ANKRD18A: variants seen among roughly 807,000 people sequenced by gnomAD.
ANKRD18A encodes the protein ankyrin repeat domain 18A, also known as ankyrin repeat domain-containing protein 18A.
In ANKRD18A, 72 loss-of-function variants were observed where a neutral mutation model predicts 110.6. The observed-to-expected ratio is 0.65, with a 90% confidence interval of 0.54 to 0.79. The LOEUF (loss-of-function observed/expected upper bound fraction) is 0.79, where lower values mean the gene tolerates loss of function less well. Among genes scored for constraint, ANKRD18A ranks in the 30% least tolerant of loss-of-function variants. The pLI, the probability that ANKRD18A is intolerant of heterozygous loss-of-function variation, is 0.00. For missense variants in ANKRD18A, 934 were observed against 1,163.3 expected (o/e 0.80, Z 2.87); for synonymous variants, 305 against 410.3 (o/e 0.74, Z 3.10).
At chr9:38,598,005 T>C (rs1235350823) in intron 8 of ANKRD18A, among the ~76,000 whole-genome samples, 1 of 152,222 alleles carries the variant, frequency 6.6e-6, no homozygotes, top group Non-Finnish European at 1.5e-5. Context: ...GATGGAATTA[T>C]AAGTTTAAAC....
chr9:38,605,337 A>G (rs1825304728), intron 6 of ANKRD18A, among the ~76,000 whole-genome samples: 1 of 152,338 alleles, frequency 6.6e-6, no homozygotes, highest in African/African-American at 2.4e-5. Context: ...AAAAACACAA[A>G]AATTAAATAG....
intron 9 of ANKRD18A, among the ~76,000 whole-genome samples, chr9:38,594,542 A>AT (rs1430136047): frequency 2.0e-5 from 3 of 152,138 alleles, no homozygotes; most frequent in African/African-American, 4.8e-5. Context: ...TACATCAAAT[A>AT]TTTTTTTGCT....
At position 38,572,041 on chromosome 9, in the gene ANKRD18A, G is replaced by A; in HGVS notation, c.*4C>T. 1.3e-6 allele frequency: 2 copies of A among 1,591,758 alleles called. No homozygotes were observed. Among genetic ancestry groups the A allele is most frequent in the South Asian group, 2.3e-5 (2 of 86,172 alleles). On this transcript the variant is annotated 3_prime_UTR_variant, in exon 16 of 16. Transcript: ENST00000399703. ...TACAAAAGAAAGTAGACGGGAGCAA[G>A]TGCTCAACATAGCAAAACCTGGAAA...
intron 10 of ANKRD18A, among the ~76,000 whole-genome samples, chr9:38,593,255 CAAG>C (rs1381167345): frequency 6.6e-6 from 1 of 152,170 alleles, no homozygotes. Flanking sequence ...CCTAACTTTT[CAAG>C]TAGTTTGTAA....
intron 5 of ANKRD18A, among the ~76,000 whole-genome samples, chr9:38,609,241 AG>A (rs1388942554): frequency 6.6e-6 from 1 of 152,136 alleles, no homozygotes; most frequent in Non-Finnish European, 1.5e-5. Context: ...GCACTTTAGG[AG>A]GCCGAGGAGG....
At position 38,577,131 on chromosome 9, in the gene ANKRD18A, G is replaced by T. The variant is rs967726670; in HGVS notation, c.2663C>A (p.Thr888Lys). 5 of 1,549,450 alleles carry T rather than the reference G, an allele frequency of 3.2e-6. No individual in the cohort carries two copies. In the African/African-American group the frequency reaches 5.5e-5, roughly 17 times the overall value. The change falls in exon 14 of 16, where the codon ACA becomes AAA. Residue 888 changes from threonine (T) to lysine (K), a missense_variant. By Grantham distance (78) the Thr-to-Lys change is moderately conservative. Transcript: ENST00000399703. ...TTCCTTAAATTCTTCTAATTCAGTTGTAACCTCTTCATAAGCAGTTTTCAT... is the reference window on the plus strand; with the variant it reads ...TTCCTTAAATTCTTCTAATTCAGTTTTAACCTCTTCATAAGCAGTTTTCAT... ...SKMKTAYEEV[T>K]TELEEFKEAF...
At chr9:38,579,836 A>G (rs1013352785) in intron 12 of ANKRD18A, among the ~76,000 whole-genome samples, 18 of 152,322 alleles carry the variant, frequency 1.2e-4, no homozygotes, top group African/African-American at 4.3e-4. Flanking sequence ...GTATTCAGGC[A>G]ACAGAAAAGA....
intron 6 of ANKRD18A, among the ~76,000 whole-genome samples, chr9:38,605,735 T>G (rs1825323172): frequency 6.6e-6 from 1 of 152,104 alleles, no homozygotes; most frequent in African/African-American, 2.4e-5. Context: ...TGCCTCAGCC[T>G]CCAGAGTAGT....
chr9:38,614,185 T>C (rs372546508), intron 3 of ANKRD18A, among the ~76,000 whole-genome samples: 1 of 151,508 alleles, frequency 6.6e-6, no homozygotes, highest in South Asian at 2.1e-4. Flanking sequence ...ATCTATTCTG[T>C]GCTTCTTAAT....
At chr9:38,574,724 A>C (rs1823804187) in intron 15 of ANKRD18A, among the ~76,000 whole-genome samples, 2 of 152,178 alleles carry the variant, frequency 1.3e-5, no homozygotes, top group African/African-American at 4.8e-5. Flanking sequence ...AAATATCTAT[A>C]TGTTGTTAAG....
Position 38,571,380 on chromosome 9 carries a change from G to A in ANKRD18A, c.*665C>T. 1.4e-6 allele frequency: 1 copy of A among 727,540 alleles called. No homozygotes were observed. Among genetic ancestry groups the A allele is most frequent in the Non-Finnish European group, 1.9e-6 (1 of 513,802 alleles). The allele number at this position is 727,540 out of a possible 1,614,324, so 45.1% of individuals were successfully genotyped here. ...AGCTTTCCCTTCTCCTTTATTTATT[G>A]GTTTTATTTCTCCATGTAGAACAAA... On this transcript the variant is annotated 3_prime_UTR_variant, in exon 16 of 16. Coordinates refer to ENST00000399703, the MANE Select transcript of ANKRD18A (RefSeq NM_147195.4).
chr9:38,599,245 G>A (rs148064010), intron 8 of ANKRD18A, among the ~76,000 whole-genome samples: 138 of 152,232 alleles, frequency 9.1e-4, no homozygotes, highest in Admixed American at 1.4e-3. Flanking sequence ...TGAGTGAGAT[G>A]GGCTCCTTCT....
At chr9:38,594,102 T>C (rs1229050176) in intron 9 of ANKRD18A, among the ~76,000 whole-genome samples, 193 bp from the exon 10 acceptor site, 5 of 152,204 alleles carry the variant, frequency 3.3e-5, no homozygotes, top group Admixed American at 2.6e-4. Flanking sequence ...TCCTGCCAAA[T>C]TGGTATTCTC....
chr9:38,578,068 C>T lies in ANKRD18A; in HGVS notation c.2328G>A (p.Gln776=), dbSNP rs926863246. The T allele has an allele frequency of 3.9e-6, 6 of 1,550,526 alleles. No homozygotes were observed. The highest frequency in any genetic ancestry group is 2.0e-5 in the Admixed American group (1 of 50,920). ...GTACATTTCTCATAGATAATAACTC[C>T]TGATGAAGAACTTCATTGTCTTTGG... The part of the protein sequence containing the change: ...NLAKDNEVLH[Q]ELLSMRNVQE... Residue 776 remains glutamine, a synonymous_variant, in exon 13 of 16, where the codon CAG becomes CAA. Transcript: ENST00000399703.
chr9:38,607,132 C>A (rs1039089240), intron 6 of ANKRD18A, among the ~76,000 whole-genome samples: 1 of 152,190 alleles, frequency 6.6e-6, no homozygotes, highest in African/African-American at 2.4e-5. Flanking sequence ...TCTCGGCTCA[C>A]TGCAACCTCC....
intron 15 of ANKRD18A, chr9:38,572,913 AT>A: frequency 5.9e-6 from 2 of 339,558 alleles, no homozygotes; most frequent in Non-Finnish European, 1.1e-5. Context: ...ATGCATAAGT[AT>A]ACTCTTCACT....
Position 38,620,354 on chromosome 9 carries a change from C to T in ANKRD18A, c.-69G>A, listed in dbSNP as rs1478436723. ...GCGGCTCCTCGTGGCCTTTCCACCCCCACTCCGCCCCAAATCCGCGATCTC... is the reference window on the plus strand; with the variant it reads ...GCGGCTCCTCGTGGCCTTTCCACCCTCACTCCGCCCCAAATCCGCGATCTC... On this transcript the variant is annotated 5_prime_UTR_variant, in exon 1 of 16. Coordinates refer to ENST00000399703, the MANE Select transcript of ANKRD18A (RefSeq NM_147195.4). 6 of 1,484,704 alleles carry T rather than the reference C, an allele frequency of 4.0e-6. No individual in the cohort carries two copies. The highest frequency in any genetic ancestry group is 9.0e-7 in the Non-Finnish European group (1 of 1,112,124). 92.0% of individuals were successfully genotyped at this position (1,484,704 alleles called of 1,614,324 possible). A position where few individuals can be genotyped will look rare whatever the true frequency, so the allele number is the denominator to read the frequency against.
At chr9:38,591,109 C>T (rs1824628166) in intron 10 of ANKRD18A, among the ~76,000 whole-genome samples, 1 of 152,042 alleles carries the variant, frequency 6.6e-6, no homozygotes, top group East Asian at 1.9e-4. Context: ...TACAGGCATG[C>T]ACCACCATGC....
rs1343244716 is a variant in ANKRD18A, at chr9:38,577,264, T to C, written c.2530A>G (p.Lys844Glu). ...AATTGTTTTTCATATTCTGCTTGTT[T>C]CTAAAACAAATGAAAAGAATACACT... ...IEKLEEIHLQ[K>E]QAEYEKQLEQ... The change falls in exon 14 of 16, where the codon AAA becomes GAA. Residue 844 changes from lysine (K) to glutamate (E), a missense_variant and splice_region_variant. Physicochemically the swap from Lys to Glu is moderately conservative, Grantham distance 56. Around this residue, in one of 4 missense-constraint regions of ANKRD18A, gnomAD observed 223 missense variants for 226.7 expected, o/e 0.98. Coordinates refer to ENST00000399703, the MANE Select transcript of ANKRD18A (RefSeq NM_147195.4). 1.6e-5 allele frequency: 25 copies of C among 1,521,826 alleles called. No individual in the cohort carries two copies. The highest frequency in any genetic ancestry group is 2.1e-5 in the Non-Finnish European group (24 of 1,136,524). The allele number at this position is 1,521,826 out of a possible 1,614,324, so 94.3% of individuals were successfully genotyped here. A position where few individuals can be genotyped will look rare whatever the true frequency, so the allele number is the denominator to read the frequency against.
Sources: allele counts gnomAD v4.1 joint callset (sites outside exome capture counted in the v4.1 genomes callset), GRCh38; gene constraint gnomAD v4.1.1; regional missense constraint gnomAD v4.1.1; transcripts MANE v1.5; gene names NCBI Gene and HGNC (gene_info 2026-07-23, HGNC 2026-07-21).